The following PNN variants were observed in gnomAD, a reference collection of about 807,000 sequenced individuals.
PNN encodes pinin, desmosome associated protein.
PNN carries 38 observed loss-of-function variants against 76.6 expected under a neutral mutation model. That is an observed-to-expected ratio of 0.50 (90% CI 0.38 to 0.65). The LOEUF is 0.65. PNN is among the 30% of genes least tolerant of loss of function. PNN has a pLI of 0.00. For missense variants in PNN, 873 were observed against 874.1 expected (o/e 1.00, Z 0.02); for synonymous variants, 366 against 283.7 (o/e 1.29, Z -2.91).
At chr14:39,179,000 AC>A (rs1325868322) in intron 6 of PNN, 90 bp from the exon 7 acceptor site, 14 of 1,241,262 alleles carry the variant, frequency 1.1e-5, no homozygotes, top group Admixed American at 4.8e-5. Context: ...ATGTGTAATA[AC>A]TTTTTATCAT....
intron 1 of PNN, 189 bp from the exon 2 acceptor site, chr14:39,175,889 T>G (rs973320241): frequency 1.8e-6 from 1 of 570,510 alleles, no homozygotes; most frequent in Non-Finnish European, 3.1e-6. Flanking sequence ...GTGACACAGG[T>G]CCTGGAGAAA....
chr14:39,178,016 CTG>C (rs2053242437), intron 6 of PNN, 100 bp downstream of exon 6: 7 of 791,598 alleles, frequency 8.8e-6, no homozygotes, highest in Middle Eastern at 3.8e-4. Context: ...TAAGACCTAA[CTG>C]TAAACCTGAA....
chr14:39,180,041 T>TC (rs1158436383), intron 8 of PNN, among the ~76,000 whole-genome samples: 7 of 152,128 alleles, frequency 4.6e-5, no homozygotes, highest in African/African-American at 1.7e-4. Flanking sequence ...TAAAATTACT[T>TC]TTTTTTGCAT....
chr14:39,179,496 T>C (rs368912169), intron 8 of PNN, 34 bp downstream of exon 8: 9 of 1,578,626 alleles, frequency 5.7e-6, no homozygotes, highest in Non-Finnish European at 6.1e-6. Flanking sequence ...GAATTGTTCA[T>C]AGTGGGTAAG....
rs2053269304 is a variant in PNN at position 39,181,452 on chromosome 14, C to T, written c.1743C>T (p.Ser581=). 6.2e-7 allele frequency: 1 copy of T among 1,612,910 alleles called. No homozygotes were observed. Among genetic ancestry groups the T allele is most frequent in the Non-Finnish European group, 8.5e-7 (1 of 1,179,400 alleles). Residue 581 remains serine (S), a synonymous_variant, in exon 9 of 9, where the codon AGC becomes AGT. Transcript: ENST00000216832. ...GTAGAAGTCGAAGCAGTAGCAGTAG[C>T]AGTTCTAGTAGCAGTTCAACCAGTA... is the stretch of plus-strand genomic sequence containing the variant. The part of the protein sequence containing the change: ...SKSRSRSSSS[S]SSSSSSTSSS...
chr14:39,179,510 A>G, intron 8 of PNN, 48 bp downstream of exon 8: 1 of 1,431,858 alleles, frequency 7.0e-7, no homozygotes, highest in East Asian at 2.3e-5. Flanking sequence ...GGGTAAGGTA[A>G]TATGTTCATA....
intron 6 of PNN, among the ~76,000 whole-genome samples, chr14:39,178,304 G>A (rs893278553): frequency 6.6e-6 from 1 of 152,134 alleles, no homozygotes; most frequent in African/African-American, 2.4e-5. Context: ...TGAGGCAGGT[G>A]GATCACCTGA....
Position 39,182,115 on chromosome 14 carries a change from C to T in PNN, c.*252C>T, listed in dbSNP as rs1459645985. Reference sequence around the variant, plus strand: ...TAATAATAAAAAAAGATTAACATCCCTTGTCATCTTTTTTAAATATCCTAT... The same window carrying T: ...TAATAATAAAAAAAGATTAACATCCTTTGTCATCTTTTTTAAATATCCTAT... On this transcript the variant is annotated 3_prime_UTR_variant, in exon 9 of 9. Transcript: ENST00000216832. 2.8e-6 allele frequency: 1 copy of T among 361,196 alleles called. No individual in the cohort carries two copies. Among genetic ancestry groups the T allele is most frequent in the African/African-American group, 2.1e-5 (1 of 47,408 alleles). The allele number at this position is 361,196 out of a possible 1,614,324, so 22.4% of individuals were successfully genotyped here. A position where few individuals can be genotyped will look rare whatever the true frequency, so the allele number is the denominator to read the frequency against.
intron 4 of PNN, 42 bp downstream of exon 4, chr14:39,177,526 C>G (rs754723652): frequency 3.2e-6 from 5 of 1,570,862 alleles, no homozygotes; most frequent in South Asian, 1.1e-5. Flanking sequence ...AGTACCTTCA[C>G]TTTACTACAT....
chr14:39,178,488 A>G (rs1404550826), intron 6 of PNN, among the ~76,000 whole-genome samples: 5 of 152,184 alleles, frequency 3.3e-5, no homozygotes, highest in East Asian at 1.9e-4. Flanking sequence ...CCAAGATCAC[A>G]CTATTGTACC....
rs746417656 is a variant in PNN at position 39,181,204 on chromosome 14, C to T, written c.1495C>T (p.Pro499Ser). 9 of 1,613,276 alleles carry T rather than the reference C, an allele frequency of 5.6e-6. No homozygotes were observed. Among genetic ancestry groups the T allele is most frequent in the Non-Finnish European group, 7.6e-6 (9 of 1,179,340 alleles). ...QSQPVLQSQPPSQPEDLSLAV... is the reference protein window; with the variant it reads ...QSQPVLQSQPSSQPEDLSLAV... ...CCAACCAGTACTCCAGTCCCAGCCT[C>T]CCTCTCAGCCTGAGGATTTGTCATT... Residue 499 changes from proline to serine, a missense_variant, in exon 9 of 9, where the codon CCC becomes TCC. Pro to Ser is a moderately conservative substitution (Grantham distance 74, BLOSUM62 -1). This residue lies in a region of PNN where 712 missense variants were observed against 693.1 expected (regional missense o/e 1.03). Transcript: ENST00000216832.
intron 8 of PNN, among the ~76,000 whole-genome samples, chr14:39,180,039 C>CT (rs147790367): frequency 0.03 from 4,559 of 151,902 alleles, 232 homozygotes; most frequent in African/African-American, 0.1. Flanking sequence ...TGTAAAATTA[C>CT]TTTTTTTTGC....
Position 39,179,195 on chromosome 14 carries a change from T to C in PNN, c.603T>C (p.Ala201=), listed in dbSNP as rs1006596416. 1.2e-6 allele frequency: 2 copies of C among 1,613,890 alleles called. No homozygotes were observed. Among genetic ancestry groups the C allele is most frequent in the African/African-American group, 2.7e-5 (2 of 74,924 alleles). The part of the protein sequence containing the change: ...ERRELFEERR[A]KQTELRLLEQ... Reference sequence around the variant, plus strand: ...GAGAACTGTTTGAAGAGAGGCGTGCTAAACAGACAGAACTGCGGCTTTTGG... The same window carrying C: ...GAGAACTGTTTGAAGAGAGGCGTGCCAAACAGACAGAACTGCGGCTTTTGG... The change falls in exon 7 of 9, where the codon GCT becomes GCC. Residue 201 remains alanine (A), a synonymous_variant. Transcript: ENST00000216832.
chr14:39,180,920 A>G lies in PNN; in HGVS notation c.1211A>G (p.Glu404Gly), dbSNP rs755987561. 6.2e-7 allele frequency: 1 copy of G among 1,614,114 alleles called. No individual in the cohort carries two copies. Among genetic ancestry groups the G allele is most frequent in the Non-Finnish European group, 8.5e-7 (1 of 1,179,976 alleles). ...ENVKHVIADQ[E>G]VMETNRVESV... ...GTCAAACATGTAATTGCTGACCAGG[A>G]GGTAATGGAAACTAATCGAGTTGAA... The change falls in exon 9 of 9, where the codon GAG (glutamate) becomes GGG (glycine). Residue 404 changes from glutamate to glycine, a missense_variant. This residue lies in a region of PNN where 712 missense variants were observed against 693.1 expected (regional missense o/e 1.03). Transcript: ENST00000216832.
Position 39,177,585 on chromosome 14 carries a change from T to G in PNN, c.328-8T>G, listed in dbSNP as rs1208795541. 3.7e-6 allele frequency: 6 copies of G among 1,612,822 alleles called. No homozygotes were observed. The highest frequency in any genetic ancestry group is 4.2e-6 in the Non-Finnish European group (5 of 1,178,878). ...TAGTTAAATTACTGAGATTTTCTTT[T>G]TCTGCAGCCAGCATTGCAGTCTTCA... is the stretch of plus-strand genomic sequence containing the variant. On this transcript the variant is annotated splice_polypyrimidine_tract_variant and splice_region_variant and intron_variant, in intron 4 of 8. Transcript: ENST00000216832.
In PNN at chr14:39,181,359, A is replaced by C. The variant is rs1270020482; in HGVS notation, c.1650A>C (p.Pro550=). ...VPVEPVLTVH[P]ESKSKTKTRS... is the part of the protein sequence containing the mutation. The stretch of plus-strand genomic sequence containing the variant: ...TAGAGCCAGTCTTGACAGTACATCC[A>C]GAGAGCAAGAGCAAAACCAAAACTA... The change falls in exon 9 of 9, where the codon CCA becomes CCC. Residue 550 remains proline, a synonymous_variant. Coordinates refer to ENST00000216832, the MANE Select transcript of PNN (RefSeq NM_002687.4). 1 of 1,614,258 alleles carries C rather than the reference A, an allele frequency of 6.2e-7. No homozygotes were observed. The highest frequency in any genetic ancestry group is 8.5e-7 in the Non-Finnish European group (1 of 1,180,032).
rs1280371719 is a variant in PNN at position 39,182,748 on chromosome 14, G to A, written c.*885G>A. On this transcript the variant is annotated 3_prime_UTR_variant, in exon 9 of 9. Coordinates refer to ENST00000216832, the MANE Select transcript of PNN (RefSeq NM_002687.4). ...TAAACATGCTGATATGTGTTTTCAA[G>A]AATTTTGTTTAAGGAAGTATTGTAT... The A allele has an allele frequency of 1.3e-5, 2 of 152,602 alleles. No homozygotes were observed. The highest frequency in any genetic ancestry group is 2.4e-5 in the African/African-American group (1 of 41,446). The allele number at this position is 152,602 out of a possible 1,614,324, so 9.5% of individuals were successfully genotyped here.
At chr14:39,175,530 C>T (rs975440457) in intron 1 of PNN, 138 bp downstream of exon 1, 2 of 668,578 alleles carry the variant, frequency 3.0e-6, no homozygotes, top group East Asian at 2.8e-5. Context: ...CGGGTAAAAC[C>T]CTGTTGTCGC....
intron 1 of PNN, chr14:39,175,827 A>C (rs2053218895): frequency 3.9e-6 from 2 of 506,460 alleles, no homozygotes; most frequent in Non-Finnish European, 6.9e-6. Context: ...CGGGATGGGG[A>C]CCTGATCCAG....
Sources: gnomAD v4.1 joint callset for allele counts (sites outside exome capture counted in the v4.1 genomes callset) on GRCh38, gnomAD v4.1.1 for gene constraint, gnomAD v4.1.1 regional missense constraint, MANE v1.5 for transcripts, NCBI Gene and HGNC (gene_info 2026-07-23, HGNC 2026-07-21) for gene names.